RHCE: variants seen among roughly 807,000 people sequenced by gnomAD.
RHCE encodes the protein Rh blood group CcEe antigens.
A neutral mutation model predicts 43.8 loss-of-function variants in RHCE; 22 were observed. The ratio of observed to expected loss-of-function variants is 0.50; its 90% CI spans 0.36 to 0.72. The LOEUF (loss-of-function observed/expected upper bound fraction) is 0.72, where lower values mean the gene tolerates loss of function less well. RHCE is among the 30% of genes least tolerant of loss of function. The probability of loss-of-function intolerance (pLI) is 0.00; values close to 1 mark genes in which losing one functional copy is unlikely to be tolerated. For missense variants in RHCE, 385 were observed against 525.4 expected, an observed-to-expected ratio of 0.73 and a Z score of 2.61; for synonymous variants, 156 against 210.7, an observed-to-expected ratio of 0.74 and a Z score of 2.25.
chr1:25,398,515 C>T (rs1364818789), intron 3 of RHCE, among the ~76,000 whole-genome samples: 19 of 120,182 alleles, frequency 1.6e-4, no homozygotes, highest in African/African-American at 6.0e-4. Flanking sequence ...TTTCCCTCTC[C>T]GCAAACCCCA....
chr1:25,393,825 G>A (rs1427535336), intron 3 of RHCE, among the ~76,000 whole-genome samples: 1 of 151,508 alleles, frequency 6.6e-6, no homozygotes, highest in African/African-American at 2.4e-5. Flanking sequence ...TCCCACTTTG[G>A]GTCATTCAGC....
chr1:25,381,156 A>G (rs1407160425), intron 7 of RHCE, among the ~76,000 whole-genome samples: 4 of 152,032 alleles, frequency 2.6e-5, no homozygotes, highest in Non-Finnish European at 1.5e-5. Context: ...TCTCTACAAC[A>G]TGGGTGACCT....
At chr1:25,370,644 G>A in intron 8 of RHCE, 104 bp from the exon 9 acceptor site, 1 of 1,013,242 alleles carries the variant, frequency 9.9e-7, no homozygotes, top group Non-Finnish European at 1.5e-6. Context: ...TGTCTCAACA[G>A]AAATCCTTTT....
chr1:25,419,816 T>G (rs1423290694), intron 1 of RHCE: 3 of 90,192 alleles, frequency 3.3e-5, no homozygotes, highest in Admixed American at 1.2e-4. Context: ...AGAAGAAAGC[T>G]GGGGTCGGTG....
intron 3 of RHCE, among the ~76,000 whole-genome samples, chr1:25,401,827 T>G (rs147495287): frequency 1.7e-3 from 253 of 152,334 alleles, no homozygotes; most frequent in African/African-American, 5.9e-3. Context: ...ACCACACTTT[T>G]GTAACCTCAT....
At chr1:25,425,214 A>G (rs2042796617), upstream of RHCE, among the ~76,000 whole-genome samples, 3 of 152,378 alleles carry the variant, frequency 2.0e-5, no homozygotes, top group South Asian at 6.2e-4. Context: ...CCTCAGCACC[A>G]GGGAAGTCCA....
intron 9 of RHCE, among the ~76,000 whole-genome samples, chr1:25,369,816 G>GCAACCTCT (rs931120868): frequency 7.3e-6 from 1 of 136,874 alleles, no homozygotes; most frequent in African/African-American, 2.8e-5. Flanking sequence ...TCAGCTCACT[G>GCAACCTCT]CAACCTCTGC....
At chr1:25,391,933 C>G (rs1205204633) in intron 4 of RHCE, 61 bp downstream of exon 4, 38 of 1,610,870 alleles carry the variant, frequency 2.4e-5, no homozygotes, top group Non-Finnish European at 3.1e-5. Context: ...TCAGCCAGAG[C>G]CTTTTCTGAG....
chr1:25,392,079 C>T lies in RHCE; in HGVS notation c.549G>A (p.Val183=). Residue 183 remains valine, a synonymous_variant, in exon 4 of 10, where the codon GTG becomes GTA. Coordinates refer to ENST00000294413, the MANE Select transcript of RHCE (RefSeq NM_020485.8). ...GTAGAGGCTTTGGCAGGCACCAGGCCACAGTCAGCCCAAAATAGGCTGCGA... is the reference window on the plus strand; with the variant it reads ...GTAGAGGCTTTGGCAGGCACCAGGCTACAGTCAGCCCAAAATAGGCTGCGA... The part of the protein sequence containing the change: ...YVFAAYFGLT[V]AWCLPKPLPK... The T allele has an allele frequency of 6.2e-7, 1 of 1,614,138 alleles. No homozygotes were observed. The highest frequency in any genetic ancestry group is 8.5e-7 in the Non-Finnish European group (1 of 1,180,026).
upstream of RHCE, chr1:25,420,877 G>C: frequency 6.4e-7 from 1 of 1,555,208 alleles, no homozygotes; most frequent in Non-Finnish European, 8.7e-7. Flanking sequence ...AGCGATAGGG[G>C]AGACACCCGC....
At chr1:25,386,342 A>G (rs1480744625) in intron 6 of RHCE, among the ~76,000 whole-genome samples, 1 of 152,314 alleles carries the variant, frequency 6.6e-6, no homozygotes, top group African/African-American at 2.4e-5. Flanking sequence ...CCCAAATTTA[A>G]GCACCATCCC....
At chr1:25,411,215 C>G in intron 1 of RHCE, 1 of 1,249,338 alleles carries the variant, frequency 8.0e-7, no homozygotes. Context: ...TTAGAGCCAC[C>G]TGAGAGGTTT....
chr1:25,406,232 G>GGCGTGCGT lies in RHCE; in HGVS notation c.335+2443_335+2450dup, dbSNP rs538761801. ...CAGGTGGATGCAGTGTGTGTATGCG[G>GGCGTGCGT]GCGTGCGTGCGTGCGTGCGTGTGTG... On this transcript the variant is annotated intron_variant, in intron 2 of 9. Transcript: ENST00000294413. Among the ~76,000 whole-genome samples, 5 of 98,494 alleles carry GGCGTGCGT rather than the reference G, an allele frequency of 5.1e-5. 2 individuals are homozygous for GGCGTGCGT. The highest frequency in any genetic ancestry group is 1.1e-4 in the Admixed American group (1 of 8,792). 64.6% of individuals were successfully genotyped at this position (98,494 alleles called of 152,430 possible). A position where few individuals can be genotyped will look rare whatever the true frequency, so the allele number is the denominator to read the frequency against.
chr1:25,377,254 C>CAAAAA (rs1645816273), intron 7 of RHCE, among the ~76,000 whole-genome samples: 1 of 148,736 alleles, frequency 6.7e-6, no homozygotes, highest in East Asian at 2.0e-4. Flanking sequence ...TTGCAAATTT[C>CAAAAA]TTTTTTTTTT....
At chr1:25,414,337 C>CA (rs1003689935) in intron 1 of RHCE, among the ~76,000 whole-genome samples, 1 of 152,106 alleles carries the variant, frequency 6.6e-6, no homozygotes, top group Non-Finnish European at 1.5e-5. Flanking sequence ...ACTTCAGCAC[C>CA]AAGAGCTCTG....
intron 3 of RHCE, among the ~76,000 whole-genome samples, chr1:25,397,128 A>G (rs1330234416): frequency 6.7e-6 from 1 of 148,622 alleles, no homozygotes; most frequent in African/African-American, 2.6e-5. Flanking sequence ...AAAAAAAAAA[A>G]AAAAAGAAAT....
Position 25,362,315 on chromosome 1 carries a change from G to A in RHCE, c.*212C>T, listed in dbSNP as rs993953931. ...AAAATATTGATAGCATCATCCTAAT[G>A]AAACTAAACATTTATTTTAAACTTA... On this transcript the variant is annotated 3_prime_UTR_variant, in exon 10 of 10. Transcript: ENST00000294413. 7.2e-6 allele frequency: 8 copies of A among 1,114,342 alleles called. No individual in the cohort carries two copies. The highest frequency in any genetic ancestry group is 5.1e-6 in the Non-Finnish European group (4 of 780,280). 69.0% of individuals were successfully genotyped at this position (1,114,342 alleles called of 1,614,324 possible). A position where few individuals can be genotyped will look rare whatever the true frequency, so the allele number is the denominator to read the frequency against.
At chr1:25,370,079 T>C (rs1645562453) in intron 9 of RHCE, among the ~76,000 whole-genome samples, 1 of 151,582 alleles carries the variant, frequency 6.6e-6, no homozygotes, top group Non-Finnish European at 1.5e-5. Flanking sequence ...ACTCTTAGCA[T>C]CTGTCAAAAA....
intron 1 of RHCE, among the ~76,000 whole-genome samples, chr1:25,412,739 A>T (rs1189996535): frequency 2.7e-5 from 4 of 149,412 alleles, no homozygotes; most frequent in African/African-American, 1.0e-4. Context: ...AAAAAAAAAA[A>T]AAAGGCCGGG....
Sources: allele counts gnomAD v4.1 joint callset (sites outside exome capture counted in the v4.1 genomes callset), GRCh38; gene constraint gnomAD v4.1.1; transcripts MANE v1.5; gene names NCBI Gene and HGNC (gene_info 2026-07-23, HGNC 2026-07-21).